Variants in MYBPC1 observed in about 807,000 individuals in gnomAD.
The protein encoded by MYBPC1 is myosin binding protein C1.
Under a neutral mutation model 147.1 loss-of-function variants are expected in MYBPC1, and 52 were observed. The observed-to-expected ratio is 0.35, with a 90% CI of 0.28 to 0.45. MYBPC1 has a LOEUF of 0.45. Among genes scored for constraint, MYBPC1 ranks in the 20% least tolerant of loss-of-function variants. The pLI is 1.00. For synonymous variants in MYBPC1, 477 were observed against 475.9 expected, an observed-to-expected ratio of 1.00 and a Z score of -0.03; for missense variants, 1,228 against 1,440.3, an observed-to-expected ratio of 0.85 and a Z score of 2.39.
At chr12:101,693,972 A>G in the MYBPC1 span, among the ~76,000 whole-genome samples, 1 of 152,168 alleles carries the variant, frequency 6.6e-6, no homozygotes, top group African/African-American at 2.4e-5. Flanking sequence ...GTTGGGAGTC[A>G]TGGCCAGCCA....
At chr12:101,684,552 T>A (rs1481915421) in intron 31 of MYBPC1, 128 bp downstream of exon 31, 4 of 724,852 alleles carry the variant, frequency 5.5e-6, no homozygotes, top group Non-Finnish European at 9.2e-6. Context: ...TCCCTAACTT[T>A]GTAGTTTTAA....
intron 22 of MYBPC1, chr12:101,666,812 G>A: frequency 6.2e-7 from 1 of 1,610,238 alleles, no homozygotes; most frequent in Non-Finnish European, 8.5e-7. Context: ...AGTATTCCGT[G>A]AAGCTCTCAA....
At chr12:101,672,057 C>T (rs1212593113) in intron 24 of MYBPC1, among the ~76,000 whole-genome samples, 1 of 152,164 alleles carries the variant, frequency 6.6e-6, no homozygotes, top group Non-Finnish European at 1.5e-5. Flanking sequence ...GTCCATGGCC[C>T]GGTCACTTAA....
chr12:101,657,352 AC>A (rs1426994089), intron 18 of MYBPC1, among the ~76,000 whole-genome samples: 2 of 152,198 alleles, frequency 1.3e-5, no homozygotes, highest in Non-Finnish European at 2.9e-5. Flanking sequence ...AAGACATGAT[AC>A]AAATTAGTGC....
rs1448825345 is a variant in MYBPC1 at position 101,662,494 on chromosome 12, T to C, written c.2169T>C (p.Asn723=). 1.2e-6 allele frequency: 2 copies of C among 1,614,270 alleles called. No homozygotes were observed. The highest frequency in any genetic ancestry group is 1.7e-6 in the Non-Finnish European group (2 of 1,180,052). Residue 723 remains asparagine, a synonymous_variant, in exon 21 of 32, where the codon AAT becomes AAC. Transcript: ENST00000361466. ...VAYEVRIFAV[N]AIGISKPSMP... is the part of the protein sequence containing the mutation. Reference sequence around the variant, plus strand: ...ATGAGGTCCGCATCTTTGCAGTCAATGCCATTGGCATCTCCAAGCCCAGTA... The same window carrying C: ...ATGAGGTCCGCATCTTTGCAGTCAACGCCATTGGCATCTCCAAGCCCAGTA...
At chr12:101,629,282 G>A (rs906701671) in intron 5 of MYBPC1, 152 bp from the exon 6 acceptor site, 2 of 686,026 alleles carry the variant, frequency 2.9e-6, no homozygotes, top group South Asian at 1.5e-5. Flanking sequence ...CTCTACTGAT[G>A]GCTGCTGGGG....
At chr12:101,614,692 T>A in intron 2 of MYBPC1, 161 bp downstream of exon 2, 1 of 723,436 alleles carries the variant, frequency 1.4e-6, no homozygotes, top group Non-Finnish European at 2.4e-6. Flanking sequence ...ATAATAAAAA[T>A]AATACACTGT....
intron 3 of MYBPC1, among the ~76,000 whole-genome samples, chr12:101,621,142 A>G (rs7138213): frequency 0.13 from 19,505 of 152,204 alleles, 1,481 homozygotes; most frequent in African/African-American, 0.19. Context: ...CTAGCATGCT[A>G]AAATATTTTT....
At chr12:101,600,634 G>A (rs551127975) in intron 1 of MYBPC1, among the ~76,000 whole-genome samples, 18 of 152,078 alleles carry the variant, frequency 1.2e-4, no homozygotes, top group African/African-American at 4.1e-4. Flanking sequence ...TAAAATTATT[G>A]CAATTGTTTT....
Position 101,685,764 on chromosome 12 carries a change from AC to A in MYBPC1, c.*204del. ...GAGAAAAAGCATTTTCTGTTTTCCC[AC>A]CAGGCCCCCAAGTGTGGTCTTTTTC... On this transcript the variant is annotated 3_prime_UTR_variant, in exon 32 of 32. Transcript: ENST00000361466. 1.0e-6 allele frequency: 1 copy of A among 994,512 alleles called. No individual in the cohort carries two copies. Among genetic ancestry groups the A allele is most frequent in the South Asian group, 1.7e-5 (1 of 59,638 alleles). 61.6% of individuals were successfully genotyped at this position (994,512 alleles called of 1,614,324 possible).
At chr12:101,628,289 G>T (rs1889091326) in intron 5 of MYBPC1, 1 of 170,384 alleles carries the variant, frequency 5.9e-6, no homozygotes, top group African/African-American at 2.4e-5. Flanking sequence ...AGGCACTGCA[G>T]GTATAGAAGT....
At chr12:101,690,387 C>T (rs1439829195), downstream of MYBPC1, among the ~76,000 whole-genome samples, 1 of 152,178 alleles carries the variant, frequency 6.6e-6, no homozygotes. Context: ...AATGTATCCC[C>T]TCCCAGATAT....
chr12:101,601,455 C>G (rs1879920559), intron 1 of MYBPC1, among the ~76,000 whole-genome samples: 3 of 152,152 alleles, frequency 2.0e-5, no homozygotes, highest in African/African-American at 7.2e-5. Context: ...ACTTTTAGGT[C>G]CCATCAGATT....
At chr12:101,680,196 A>T (rs905107830) in intron 28 of MYBPC1, 147 bp from the exon 29 acceptor site, 1 of 790,992 alleles carries the variant, frequency 1.3e-6, no homozygotes, top group South Asian at 1.6e-5. Flanking sequence ...GTTTAATGTG[A>T]GAAATAGTGT....
chr12:101,667,833 G>A lies in MYBPC1; in HGVS notation c.2458G>A (p.Val820Ile), dbSNP rs779982953. Residue 820 changes from valine (V) to isoleucine (I), a missense_variant, in exon 23 of 32, where the codon GTT becomes ATT. Val to Ile is a conservative substitution (Grantham distance 29, BLOSUM62 3). Around this residue, in one of 2 missense-constraint regions of MYBPC1, gnomAD observed 1,077 missense variants for 1,314.2 expected, o/e 0.82. Transcript: ENST00000361466. ...DAKIFVRVKAVNAAGASEPKY... is the reference protein window; with the variant it reads ...DAKIFVRVKAINAAGASEPKY... ...AAAGATCTTTGTGCGTGTGAAGGCTGTTAATGCAGCTGGTGCCAGCGAGCC... is the reference window on the plus strand; with the variant it reads ...AAAGATCTTTGTGCGTGTGAAGGCTATTAATGCAGCTGGTGCCAGCGAGCC... The A allele has an allele frequency of 1.1e-5, 18 of 1,614,188 alleles. No individual in the cohort carries two copies. The South Asian group carries it at 1.9e-4, about 17-fold the overall frequency.
the MYBPC1 span, among the ~76,000 whole-genome samples, chr12:101,692,529 C>T: frequency 5.3e-5 from 8 of 152,294 alleles, no homozygotes; most frequent in African/African-American, 1.9e-4. Context: ...CCTCACTGTG[C>T]TTCAATTTCC....
chr12:101,665,705 C>T (rs1432745286), intron 22 of MYBPC1, among the ~76,000 whole-genome samples: 1 of 152,094 alleles, frequency 6.6e-6, no homozygotes, highest in Admixed American at 6.5e-5. Flanking sequence ...CCCCTCTGGT[C>T]TTGTTTCGTC....
In MYBPC1 at chr12:101,685,799, T is replaced by G; in HGVS notation, c.*237T>G. 1.8e-6 allele frequency: 1 copy of G among 541,208 alleles called. No homozygotes were observed. The highest frequency in any genetic ancestry group is 3.0e-6 in the Non-Finnish European group (1 of 337,610). The allele number at this position is 541,208 out of a possible 1,614,324, so 33.5% of individuals were successfully genotyped here. ...CAAGTGTGGTCTTTTTCTTTCCTCC[T>G]AATGTTGAAGAGAAAAAAAAAAAAA... is the stretch of plus-strand genomic sequence containing the variant. On this transcript the variant is annotated 3_prime_UTR_variant, in exon 32 of 32. Coordinates refer to ENST00000361466, the MANE Select transcript of MYBPC1 (RefSeq NM_002465.4).
intron 5 of MYBPC1, among the ~76,000 whole-genome samples, chr12:101,628,374 A>C (rs922903305): frequency 1.3e-5 from 2 of 152,198 alleles, no homozygotes; most frequent in African/African-American, 4.8e-5. Flanking sequence ...AAACAACAAA[A>C]TTTTAACATT....
Sources: gnomAD v4.1 joint callset for allele counts (sites outside exome capture counted in the v4.1 genomes callset) on GRCh38, gnomAD v4.1.1 for gene constraint, gnomAD v4.1.1 regional missense constraint, MANE v1.5 for transcripts, NCBI Gene and HGNC (gene_info 2026-07-23, HGNC 2026-07-21) for gene names.